The following NRG3 variants were observed in gnomAD, a reference collection of about 807,000 sequenced individuals.
NRG3 encodes the protein neuregulin 3, also known as pro-neuregulin-3, membrane-bound isoform.
NRG3 carries 31 observed loss-of-function variants against 66.9 expected under a neutral mutation model. The observed-to-expected ratio is 0.46, with a 90% CI of 0.35 to 0.63. The LOEUF (loss-of-function observed/expected upper bound fraction) is 0.63. Among genes scored for constraint, NRG3 ranks in the 20% least tolerant of loss-of-function variants. The probability of loss-of-function intolerance (pLI) is 0.00; values close to 1 mark genes in which losing one functional copy is unlikely to be tolerated. For synonymous variants in NRG3, 393 were observed against 359.4 expected, an observed-to-expected ratio of 1.09 and a Z score of -1.06; for missense variants, 910 against 878.9, an observed-to-expected ratio of 1.04 and a Z score of -0.45.
intron 1 of NRG3, among the ~76,000 whole-genome samples, chr10:82,133,742 A>G (rs1296638584): frequency 6.6e-6 from 1 of 152,120 alleles, no homozygotes; most frequent in Non-Finnish European, 1.5e-5. Flanking sequence ...GTGTATTTAT[A>G]GTAGAATGAT....
chr10:82,863,516 C>G (rs184418286), intron 3 of NRG3, among the ~76,000 whole-genome samples: 1 of 152,348 alleles, frequency 6.6e-6, no homozygotes, highest in East Asian at 1.9e-4. Flanking sequence ...TCCTCTCCAG[C>G]ATCTGTCGTT....
At chr10:82,867,826 T>G (rs746254872) in intron 4 of NRG3, among the ~76,000 whole-genome samples, 15 of 151,646 alleles carry the variant, frequency 9.9e-5, no homozygotes, top group Admixed American at 2.0e-4. Flanking sequence ...ATGGGCATAT[T>G]TTTGCAGTAA....
intron 4 of NRG3, among the ~76,000 whole-genome samples, chr10:82,924,086 C>CAAAAAAAAA (rs3075657): frequency 1.4e-5 from 1 of 69,274 alleles, no homozygotes; most frequent in Non-Finnish European, 2.8e-5. Flanking sequence ...GAGACTGTCT[C>CAAAAAAAAA]AAAAAAAAAA....
At chr10:82,073,629 C>T (rs974456076) in intron 1 of NRG3, among the ~76,000 whole-genome samples, 1 of 151,952 alleles carries the variant, frequency 6.6e-6, no homozygotes, top group Non-Finnish European at 1.5e-5. Context: ...TTTCATGGTA[C>T]GATTTATATT....
At chr10:82,464,836 C>T (rs1840529242) in intron 2 of NRG3, among the ~76,000 whole-genome samples, 1 of 152,182 alleles carries the variant, frequency 6.6e-6, no homozygotes. Flanking sequence ...GAGTATATGG[C>T]TCTCTCAACA....
intron 1 of NRG3, among the ~76,000 whole-genome samples, chr10:82,081,801 CA>C (rs1564543827): frequency 6.6e-6 from 1 of 152,166 alleles, no homozygotes; most frequent in Non-Finnish European, 1.5e-5. Flanking sequence ...CCACATGATT[CA>C]CATTATTTAC....
intron 4 of NRG3, among the ~76,000 whole-genome samples, chr10:82,866,564 C>A (rs1158256867): frequency 1.3e-5 from 2 of 152,154 alleles, no homozygotes; most frequent in African/African-American, 4.8e-5. Context: ...AGCTCAATTC[C>A]TGCAGGCTTG....
chr10:82,208,413 A>G (rs2075234744), intron 1 of NRG3, among the ~76,000 whole-genome samples: 1 of 152,162 alleles, frequency 6.6e-6, no homozygotes, highest in Non-Finnish European at 1.5e-5. Flanking sequence ...CCACTTTACT[A>G]TTATTGTCTC....
At chr10:82,788,540 A>G (rs1276901202) in intron 3 of NRG3, among the ~76,000 whole-genome samples, 1 of 152,210 alleles carries the variant, frequency 6.6e-6, no homozygotes, top group Non-Finnish European at 1.5e-5. Context: ...ACTGCATGCC[A>G]GCCTGGGTGA....
intron 1 of NRG3, among the ~76,000 whole-genome samples, chr10:82,118,104 T>A (rs2067841906): frequency 1.3e-5 from 2 of 151,970 alleles, no homozygotes; most frequent in Non-Finnish European, 2.9e-5. Flanking sequence ...CCTGACTCAC[T>A]GTTATTGTCT....
chr10:82,128,262 T>A (rs2068584433), intron 1 of NRG3, among the ~76,000 whole-genome samples: 1 of 152,068 alleles, frequency 6.6e-6, no homozygotes, highest in South Asian at 2.1e-4. Context: ...TCTTTATTGA[T>A]CATTATGAAT....
At chr10:82,592,065 T>C (rs1225723223) in intron 2 of NRG3, among the ~76,000 whole-genome samples, 1 of 152,222 alleles carries the variant, frequency 6.6e-6, no homozygotes, top group African/African-American at 2.4e-5. Context: ...CCTTTTATGC[T>C]TAGGTTTTCT....
chr10:82,145,127 C>A (rs1423067319), intron 1 of NRG3, among the ~76,000 whole-genome samples: 1 of 152,140 alleles, frequency 6.6e-6, no homozygotes, highest in South Asian at 2.1e-4. Context: ...GTGTCATAAC[C>A]CATTGCCATA....
At chr10:82,956,730 A>G (rs1016630630) in intron 5 of NRG3, among the ~76,000 whole-genome samples, 1 of 151,944 alleles carries the variant, frequency 6.6e-6, no homozygotes, top group Non-Finnish European at 1.5e-5. Context: ...ATGATTTACC[A>G]GACTAGAACC....
chr10:82,636,243 G>C (rs535484030), intron 2 of NRG3, among the ~76,000 whole-genome samples: 2 of 146,084 alleles, frequency 1.4e-5, no homozygotes, highest in Non-Finnish European at 3.1e-5. Flanking sequence ...GTGTGTGTCT[G>C]TGTGTGTGTG....
At chr10:82,018,452 T>G (rs1290612440) in intron 1 of NRG3, among the ~76,000 whole-genome samples, 1 of 152,090 alleles carries the variant, frequency 6.6e-6, no homozygotes, top group East Asian at 1.9e-4. Context: ...TTTAAAGTAG[T>G]TTTTTCCAAT....
intron 2 of NRG3, among the ~76,000 whole-genome samples, chr10:82,399,243 T>A (rs2136036963): frequency 6.6e-6 from 1 of 152,262 alleles, no homozygotes; most frequent in East Asian, 1.9e-4. Flanking sequence ...ACAGGATAAT[T>A]TTTTTATTTG....
intron 3 of NRG3, among the ~76,000 whole-genome samples, chr10:82,843,031 A>G (rs541936193): frequency 5.9e-5 from 9 of 152,384 alleles, no homozygotes; most frequent in Non-Finnish European, 1.0e-4. Context: ...AAGATGATCT[A>G]TCTCTCTCAA....
intron 1 of NRG3, among the ~76,000 whole-genome samples, chr10:82,347,503 G>T (rs2083107321): frequency 6.6e-6 from 1 of 151,280 alleles, no homozygotes; most frequent in Non-Finnish European, 1.5e-5. Flanking sequence ...GGTCAATTTT[G>T]GAATAGGTGT....
Sources: allele counts gnomAD v4.1 joint callset (sites outside exome capture counted in the v4.1 genomes callset), GRCh38; gene constraint gnomAD v4.1.1; transcripts MANE v1.5; gene names NCBI Gene and HGNC (gene_info 2026-07-23, HGNC 2026-07-21).